Variants in PRKG1 observed in about 807,000 individuals in gnomAD.
PRKG1 encodes the protein cGMP-dependent protein kinase 1.
PRKG1 carries 35 observed loss-of-function variants against 88.1 expected under a neutral mutation model. The observed-to-expected ratio is 0.40, with a 90% CI of 0.30 to 0.53. PRKG1 has a LOEUF of 0.53. PRKG1 is among the 20% of genes least tolerant of loss of function. The pLI, the probability that PRKG1 is intolerant of heterozygous loss-of-function variation, is 0.59. For missense variants in PRKG1, 540 were observed against 839.8 expected (o/e 0.64, Z 4.41); for synonymous variants, 303 against 292.5 (o/e 1.04, Z -0.37).
At chr10:51,181,545 A>AT (rs978185770) in intron 2 of PRKG1, among the ~76,000 whole-genome samples, 30 of 151,958 alleles carry the variant, frequency 2.0e-4, no homozygotes, top group African/African-American at 7.0e-4. Context: ...CCGGCCTAGA[A>AT]TTTTTTTAAT....
intron 4 of PRKG1, among the ~76,000 whole-genome samples, chr10:51,820,459 G>A (rs7918039): frequency 0.21 from 31,705 of 151,968 alleles, 5,292 homozygotes; most frequent in African/African-American, 0.46. Flanking sequence ...TTGAGCACCT[G>A]TTGTGTGGTA....
intron 1 of PRKG1, among the ~76,000 whole-genome samples, chr10:51,047,340 T>C (rs915302661): frequency 6.6e-6 from 1 of 152,212 alleles, no homozygotes; most frequent in African/African-American, 2.4e-5. Context: ...TCTGTACTTA[T>C]GAGGTTTTTG....
At chr10:51,136,531 G>A (rs1157853258) in intron 1 of PRKG1, among the ~76,000 whole-genome samples, 1 of 141,684 alleles carries the variant, frequency 7.1e-6, no homozygotes, top group Non-Finnish European at 1.5e-5. Context: ...AGAATGAGCT[G>A]GTAAAGAGAC....
chr10:51,270,722 C>T (rs1399253725), intron 2 of PRKG1, among the ~76,000 whole-genome samples: 1 of 152,040 alleles, frequency 6.6e-6, no homozygotes, highest in African/African-American at 2.4e-5. Context: ...TGTGAGCTTC[C>T]CATCCGATCT....
chr10:50,994,734 C>G (rs1842818494), intron 1 of PRKG1, among the ~76,000 whole-genome samples: 1 of 151,254 alleles, frequency 6.6e-6, no homozygotes, highest in African/African-American at 2.4e-5. Flanking sequence ...AGAAATGTAG[C>G]CTGAAAGTGC....
intron 2 of PRKG1, among the ~76,000 whole-genome samples, chr10:51,361,018 A>G (rs1182930752): frequency 1.3e-5 from 2 of 151,928 alleles, no homozygotes; most frequent in East Asian, 3.9e-4. Flanking sequence ...CATTGGAGCT[A>G]TAGTATATTT....
rs532739417 is a variant in PRKG1 at position 51,127,581 on chromosome 10, C to T, written c.312-25583C>T. Among the ~76,000 whole-genome samples, 39 of 152,232 alleles carry T rather than the reference C, an allele frequency of 2.6e-4. No homozygotes were observed. The East Asian group carries it at 5.8e-3, about 23-fold the overall frequency. On this transcript the variant is annotated intron_variant, in intron 1 of 17. Transcript: ENST00000373980. ...CTCAAGAATCTAGAACCAGCAATAC[C>T]ATTTGACCAAGCAATCTCATCACTG... is the stretch of plus-strand genomic sequence containing the variant.
chr10:52,135,263 A>G (rs1837376405), intron 8 of PRKG1, among the ~76,000 whole-genome samples: 1 of 152,154 alleles, frequency 6.6e-6, no homozygotes, highest in South Asian at 2.1e-4. Flanking sequence ...AGAATTACTC[A>G]TAGGAAAGCT....
At chr10:51,993,989 A>G (rs1844375190) in intron 5 of PRKG1, among the ~76,000 whole-genome samples, 1 of 152,064 alleles carries the variant, frequency 6.6e-6, no homozygotes, top group Non-Finnish European at 1.5e-5. Context: ...TCCCAGTCTA[A>G]AGAAATGGCA....
At chr10:51,834,185 A>G (rs953593095) in intron 4 of PRKG1, among the ~76,000 whole-genome samples, 3 of 152,114 alleles carry the variant, frequency 2.0e-5, no homozygotes, top group Admixed American at 2.0e-4. Flanking sequence ...CAATCTCCAT[A>G]ATGGCCTCTT....
At chr10:52,029,298 T>C (rs1003428304) in intron 5 of PRKG1, among the ~76,000 whole-genome samples, 47 of 152,208 alleles carry the variant, frequency 3.1e-4, no homozygotes, top group African/African-American at 1.1e-3. Context: ...TTATAGTTGT[T>C]TCATCTTGTT....
chr10:51,981,557 G>GCTGAA (rs1844011448), intron 5 of PRKG1, among the ~76,000 whole-genome samples: 1 of 152,062 alleles, frequency 6.6e-6, no homozygotes, highest in Admixed American at 6.6e-5. Context: ...CTGTGCTTCA[G>GCTGAA]CTTGGGTGAC....
At chr10:51,233,316 C>G (rs1192784452) in intron 2 of PRKG1, among the ~76,000 whole-genome samples, 2 of 152,140 alleles carry the variant, frequency 1.3e-5, no homozygotes, top group African/African-American at 2.4e-5. Flanking sequence ...TTCATGAGAA[C>G]ACCCCATTTT....
intron 2 of PRKG1, among the ~76,000 whole-genome samples, chr10:51,172,298 C>A (rs752898110): frequency 6.6e-6 from 1 of 151,916 alleles, no homozygotes; most frequent in Non-Finnish European, 1.5e-5. Flanking sequence ...AAACTGTATT[C>A]GGGTTTAACA....
At chr10:51,005,888 A>G (rs1206564120) in intron 1 of PRKG1, among the ~76,000 whole-genome samples, 4 of 152,052 alleles carry the variant, frequency 2.6e-5, no homozygotes, top group Non-Finnish European at 5.9e-5. Flanking sequence ...CTCATTGTCT[A>G]TTCGTTGTTC....
chr10:51,083,339 G>C (rs1187144689), intron 1 of PRKG1, among the ~76,000 whole-genome samples: 1 of 152,082 alleles, frequency 6.6e-6, no homozygotes, highest in African/African-American at 2.4e-5. Context: ...TGTTTGTTTT[G>C]TTTTTAAATT....
At chr10:51,437,345 A>G (rs1838961863) in intron 2 of PRKG1, among the ~76,000 whole-genome samples, 1 of 152,018 alleles carries the variant, frequency 6.6e-6, no homozygotes, top group South Asian at 2.1e-4. Context: ...ACCAGGCTCA[A>G]ATGAGATATA....
intron 5 of PRKG1, among the ~76,000 whole-genome samples, chr10:51,942,627 G>T (rs1404024842): frequency 6.8e-6 from 1 of 146,034 alleles, no homozygotes; most frequent in Admixed American, 6.7e-5. Context: ...ATTAATTTTT[G>T]TATAAGGTGT....
Position 51,046,356 on chromosome 10 carries a change from G to A in PRKG1, c.266+54712G>A, listed in dbSNP as rs142669448. ...CTGTGGTACTTCTCTTGGTAGAGGA[G>A]ATACATTCTGGGTGGAATCTAGAAG... On this transcript the variant is annotated intron_variant, in intron 1 of 17. Coordinates refer to the PRKG1 transcript ENST00000401604. 1.8e-4 allele frequency among the ~76,000 whole-genome samples: 27 copies of A among 152,296 alleles called. 1 individual carries two copies. In the East Asian group the frequency reaches 5.2e-3, roughly 29 times the overall value.
Sources: gnomAD v4.1 joint callset for allele counts (sites outside exome capture counted in the v4.1 genomes callset) on GRCh38, gnomAD v4.1.1 for gene constraint, MANE v1.5 for transcripts, NCBI Gene and HGNC (gene_info 2026-07-23, HGNC 2026-07-21) for gene names.